Variants in GRIN2A observed in about 807,000 individuals in gnomAD.
The protein encoded by GRIN2A is glutamate receptor ionotropic, NMDA 2A.
Under a neutral mutation model 113.4 loss-of-function variants are expected in GRIN2A, and 22 were observed. The ratio of observed to expected loss-of-function variants is 0.19; its 90% CI spans 0.14 to 0.28. The LOEUF (loss-of-function observed/expected upper bound fraction) is 0.28. Ranked by LOEUF, GRIN2A falls within the 10% of genes least tolerant of loss-of-function variation. The pLI is 1.00. For synonymous variants in GRIN2A, 827 were observed against 738.4 expected, an observed-to-expected ratio of 1.12 and a Z score of -1.94; for missense variants, 1,502 against 1,887.0, an observed-to-expected ratio of 0.80 and a Z score of 3.78.
chr16:9,873,660 GA>G (rs2043308043), intron 4 of GRIN2A, among the ~76,000 whole-genome samples: 1 of 152,234 alleles, frequency 6.6e-6, no homozygotes, highest in Non-Finnish European at 1.5e-5. Flanking sequence ...TATTCTTGCA[GA>G]AGAAGGCTGA....
intron 5 of GRIN2A, among the ~76,000 whole-genome samples, 168 bp downstream of exon 5, chr16:9,849,588 A>C (rs1332516375): frequency 6.6e-6 from 1 of 152,194 alleles, no homozygotes; most frequent in African/African-American, 2.4e-5. Flanking sequence ...GCACATCTCT[A>C]GGAATTTATC....
At chr16:10,138,422 A>G (rs1342152167) in intron 2 of GRIN2A, among the ~76,000 whole-genome samples, 3 of 152,216 alleles carry the variant, frequency 2.0e-5, no homozygotes, top group African/African-American at 2.4e-5. Flanking sequence ...AGAGGAAGCG[A>G]GGAACATCTC....
chr16:9,771,830 C>G, intron 11 of GRIN2A, among the ~76,000 whole-genome samples: 1 of 152,120 alleles, frequency 6.6e-6, no homozygotes, highest in East Asian at 1.9e-4. Context: ...GATTACTACA[C>G]CATTTAAGTA....
intron 2 of GRIN2A, among the ~76,000 whole-genome samples, chr16:9,987,678 G>A (rs1030274997): frequency 6.6e-6 from 1 of 152,182 alleles, no homozygotes; most frequent in African/African-American, 2.4e-5. Context: ...AAGAAAGATG[G>A]AGAAGGTCTC....
At chr16:10,049,379 T>C (rs2047315459) in intron 2 of GRIN2A, among the ~76,000 whole-genome samples, 1 of 151,016 alleles carries the variant, frequency 6.6e-6, no homozygotes, top group African/African-American at 2.4e-5. Context: ...ATTGATTTTT[T>C]ACTATTTTTT....
At chr16:9,947,647 C>T (rs1174288028) in intron 2 of GRIN2A, among the ~76,000 whole-genome samples, 1 of 152,176 alleles carries the variant, frequency 6.6e-6, no homozygotes, top group Non-Finnish European at 1.5e-5. Flanking sequence ...CTTCTTCTCC[C>T]TTTGGGAGTC....
intron 11 of GRIN2A, among the ~76,000 whole-genome samples, chr16:9,785,249 C>T (rs898987082): frequency 3.3e-5 from 5 of 152,022 alleles, no homozygotes; most frequent in Non-Finnish European, 5.9e-5. Flanking sequence ...ACATGGAATA[C>T]TATGCAGCCA....
At chr16:10,066,924 A>G (rs943553469) in intron 2 of GRIN2A, among the ~76,000 whole-genome samples, 1 of 152,240 alleles carries the variant, frequency 6.6e-6, no homozygotes. Flanking sequence ...ATGTAAATAC[A>G]TACAATTAAA....
chr16:9,850,113 C>T lies in GRIN2A; in HGVS notation c.1123-152G>A, dbSNP rs1050740596. On this transcript the variant is annotated intron_variant, in intron 4 of 12. Transcript: ENST00000330684. ...GCATCTACTTCTGTGCTAAGACAAA[C>T]GGGCATAAAGAGAAAACAGAATATA... 1.1e-4 allele frequency: 78 copies of T among 725,764 alleles called. 1 individual carries two copies. Among genetic ancestry groups the T allele is most frequent in the Admixed American group, 4.7e-4 (23 of 49,096 alleles). The allele number at this position is 725,764 out of a possible 1,614,324, so 45.0% of individuals were successfully genotyped here. A position where few individuals can be genotyped will look rare whatever the true frequency, so the allele number is the denominator to read the frequency against.
rs892847488 is a variant in GRIN2A, at chr16:9,901,450, G to A, written c.1008-10350C>T. Reference sequence around the variant, plus strand: ...GTTCTTTTTTATACGATATTATTTGGGGAAAATACATATTATATATATATT... The same window carrying A: ...GTTCTTTTTTATACGATATTATTTGAGGAAAATACATATTATATATATATT... On this transcript the variant is annotated intron_variant, in intron 3 of 12. Coordinates refer to ENST00000330684, the MANE Select transcript of GRIN2A (RefSeq NM_001134407.3). Among the ~76,000 whole-genome samples, 4 of 152,092 alleles carry A rather than the reference G, an allele frequency of 2.6e-5. No homozygotes were observed. In the East Asian group the frequency reaches 5.8e-4, roughly 22 times the overall value.
rs1420126137 is a variant in GRIN2A at position 10,049,124 on chromosome 16, T to C, written c.415-110573A>G. Among the ~76,000 whole-genome samples, 4 of 152,278 alleles carry C rather than the reference T, an allele frequency of 2.6e-5. No homozygotes were observed. The South Asian group carries it at 6.2e-4, about 24-fold the overall frequency. ...CATACTGAAATTACCCTTCCAAAGATCAGAGTTCCGCTTGGCAAAAGCCCA... is the reference window on the plus strand; with the variant it reads ...CATACTGAAATTACCCTTCCAAAGACCAGAGTTCCGCTTGGCAAAAGCCCA... On this transcript the variant is annotated intron_variant, in intron 2 of 12. Transcript: ENST00000330684.
chr16:10,115,288 GT>G (rs1055407132), intron 2 of GRIN2A, among the ~76,000 whole-genome samples: 26 of 152,188 alleles, frequency 1.7e-4, no homozygotes, highest in African/African-American at 5.1e-4. Context: ...TGGAGAACTG[GT>G]CTCCAATTAG....
At position 10,140,010 on chromosome 16, in the gene GRIN2A, C is replaced by T. The variant is rs922325651; in HGVS notation, c.414+39988G>A. Among the ~76,000 whole-genome samples the T allele has an allele frequency of 2.0e-5, 3 of 152,206 alleles. No individual in the cohort carries two copies. In the East Asian group the frequency reaches 5.8e-4, roughly 29 times the overall value. The stretch of plus-strand genomic sequence containing the variant: ...GTAAATGAGAAATAGGAATCTATAG[C>T]CCTGCTGAACATTTCATAAGGCCTG... On this transcript the variant is annotated intron_variant, in intron 2 of 12. Transcript: ENST00000330684.
intron 2 of GRIN2A, among the ~76,000 whole-genome samples, chr16:10,009,203 TCCTC>T (rs2046458196): frequency 1.3e-5 from 2 of 152,222 alleles, no homozygotes; most frequent in Non-Finnish European, 2.9e-5. Flanking sequence ...AAACAGCAAT[TCCTC>T]CAGGAAGGAA....
chr16:9,814,822 C>G (rs1444417577), intron 10 of GRIN2A, among the ~76,000 whole-genome samples: 1 of 152,062 alleles, frequency 6.6e-6, no homozygotes, highest in African/African-American at 2.4e-5. Flanking sequence ...GAATTTGAGT[C>G]CAGCCTGACC....
chr16:10,097,704 C>A (rs2048319775), intron 2 of GRIN2A, among the ~76,000 whole-genome samples: 1 of 152,174 alleles, frequency 6.6e-6, no homozygotes, highest in African/African-American at 2.4e-5. Context: ...GCATCCGACC[C>A]TCCTGCACTT....
chr16:10,150,819 A>C lies in GRIN2A; in HGVS notation c.414+29179T>G, dbSNP rs78791338. ...TAGTACTTAACACTACCTAAAATTA[A>C]CTTATATGCTTCTTCATTCTGTTTA... On this transcript the variant is annotated intron_variant, in intron 2 of 12. Transcript: ENST00000330684. 8.1e-3 allele frequency among the ~76,000 whole-genome samples: 1,238 copies of C among 152,222 alleles called. 5 individuals carry two copies. Among genetic ancestry groups the C allele is most frequent in the Non-Finnish European group, 0.014 (969 of 68,022 alleles).
At chr16:10,132,341 A>AAAAAAAAAAAAG (rs2049082808) in intron 2 of GRIN2A, among the ~76,000 whole-genome samples, 2 of 95,080 alleles carry the variant, frequency 2.1e-5, no homozygotes, top group Non-Finnish European at 4.7e-5. Flanking sequence ...ACACCGTCTC[A>AAAAAAAAAAAAG]AAAAAAAAAA....
At chr16:9,796,736 C>T (rs1438640901) in intron 11 of GRIN2A, among the ~76,000 whole-genome samples, 4 of 152,224 alleles carry the variant, frequency 2.6e-5, no homozygotes, top group Non-Finnish European at 4.4e-5. Flanking sequence ...CTGATTCGTA[C>T]GCTTGTGGCA....
Sources: allele counts gnomAD v4.1 joint callset (sites outside exome capture counted in the v4.1 genomes callset), GRCh38; gene constraint gnomAD v4.1.1; transcripts MANE v1.5; gene names NCBI Gene and HGNC (gene_info 2026-07-23, HGNC 2026-07-21).